The following CNTNAP2 variants were observed in gnomAD, a reference collection of about 807,000 sequenced individuals.
CNTNAP2 encodes contactin associated protein 2, also known as contactin-associated protein-like 2.
Under a neutral mutation model 155.2 loss-of-function variants are expected in CNTNAP2, and 98 were observed. That is an observed-to-expected ratio of 0.63 (90% CI 0.54 to 0.75). The LOEUF is 0.75. CNTNAP2 is among the 30% of genes least tolerant of loss of function. CNTNAP2 has a pLI of 0.00. For missense variants in CNTNAP2, 1,727 were observed against 1,688.1 expected, an observed-to-expected ratio of 1.02 and a Z score of -0.40; for synonymous variants, 651 against 631.2, an observed-to-expected ratio of 1.03 and a Z score of -0.47.
At chr7:147,887,738 G>C (rs540205865) in intron 13 of CNTNAP2, among the ~76,000 whole-genome samples, 1 of 152,198 alleles carries the variant, frequency 6.6e-6, no homozygotes, top group East Asian at 1.9e-4. Flanking sequence ...ACAAAATCCA[G>C]GGGGTTAGAC....
At chr7:146,802,294 A>C (rs115013872) in intron 2 of CNTNAP2, among the ~76,000 whole-genome samples, 1,740 of 152,298 alleles carry the variant, frequency 0.011, 30 homozygotes, top group African/African-American at 0.038. Context: ...TGTAGAAATG[A>C]GGTCTCAGTT....
chr7:148,322,436 T>C (rs1797809687), intron 21 of CNTNAP2, among the ~76,000 whole-genome samples: 1 of 152,204 alleles, frequency 6.6e-6, no homozygotes, highest in Non-Finnish European at 1.5e-5. Flanking sequence ...TGTTATAAAA[T>C]AGAAATATAC....
intron 1 of CNTNAP2, among the ~76,000 whole-genome samples, chr7:146,545,750 C>A (rs1020040194): frequency 1.3e-5 from 2 of 151,816 alleles, no homozygotes; most frequent in African/African-American, 2.4e-5. Flanking sequence ...TTAGTTCAGC[C>A]ATTGTGGAAA....
intron 12 of CNTNAP2, among the ~76,000 whole-genome samples, chr7:147,623,159 C>T (rs558535061): frequency 2.0e-5 from 3 of 152,022 alleles, no homozygotes; most frequent in South Asian, 2.1e-4. Flanking sequence ...GAACTGAAGG[C>T]GGAAATCTGA....
intron 1 of CNTNAP2, among the ~76,000 whole-genome samples, chr7:146,548,877 C>T (rs374789988): frequency 1.8e-4 from 24 of 133,488 alleles, no homozygotes; most frequent in Admixed American, 4.8e-4. Context: ...TCCCAGTTGT[C>T]TATCTTTGGT....
chr7:147,111,688 T>A (rs1800883356), intron 5 of CNTNAP2, among the ~76,000 whole-genome samples: 1 of 152,098 alleles, frequency 6.6e-6, no homozygotes, highest in Admixed American at 6.6e-5. Context: ...AGGTGTATGG[T>A]CTTATTTCTG....
rs9640488 is a variant in CNTNAP2 at position 146,985,343 on chromosome 7, A to G, written c.403-58564A>G. ...TTTTTTTTTTTTTTTTTTTTGAGAC[A>G]GTCTTGCTCTGTCTCCCAGGCTGAA... On this transcript the variant is annotated intron_variant, in intron 3 of 23. Transcript: ENST00000361727. 3.0e-3 allele frequency among the ~76,000 whole-genome samples: 414 copies of G among 139,844 alleles called. 3 individuals are homozygous for G. Among genetic ancestry groups the G allele is most frequent in the Non-Finnish European group, 4.9e-3 (325 of 65,760 alleles). 91.7% of individuals were successfully genotyped at this position (139,844 alleles called of 152,430 possible). A position where few individuals can be genotyped will look rare whatever the true frequency, so the allele number is the denominator to read the frequency against.
intron 11 of CNTNAP2, among the ~76,000 whole-genome samples, chr7:147,489,754 T>C (rs574757030): frequency 6.6e-6 from 1 of 152,276 alleles, no homozygotes; most frequent in East Asian, 1.9e-4. Flanking sequence ...TAGCTGGGAC[T>C]ACAGGCACGT....
intron 2 of CNTNAP2, among the ~76,000 whole-genome samples, chr7:146,837,571 T>C (rs78480001): frequency 0.025 from 3,762 of 152,264 alleles, 101 homozygotes; most frequent in African/African-American, 0.072. Flanking sequence ...TTTTTCTCTC[T>C]GGTTCTAAGA....
At chr7:147,505,126 C>T (rs1280090375) in intron 11 of CNTNAP2, among the ~76,000 whole-genome samples, 1 of 152,098 alleles carries the variant, frequency 6.6e-6, no homozygotes, top group Non-Finnish European at 1.5e-5. Context: ...TCACTCCGGG[C>T]CCCTGGCTCA....
At chr7:146,690,379 G>C (rs1194555024) in intron 1 of CNTNAP2, among the ~76,000 whole-genome samples, 1 of 152,132 alleles carries the variant, frequency 6.6e-6, no homozygotes, top group Non-Finnish European at 1.5e-5. Context: ...AGTTTATGCA[G>C]AGACAGGGAC....
chr7:148,040,632 A>ACACATG (rs1246175588), intron 15 of CNTNAP2, among the ~76,000 whole-genome samples: 1 of 152,360 alleles, frequency 6.6e-6, no homozygotes, highest in Non-Finnish European at 1.5e-5. Flanking sequence ...TGTGCTCTGC[A>ACACATG]CACATGCACA....
intron 3 of CNTNAP2, among the ~76,000 whole-genome samples, chr7:147,028,904 A>T (rs1288316809): frequency 6.6e-6 from 1 of 152,054 alleles, no homozygotes; most frequent in Non-Finnish European, 1.5e-5. Context: ...AATCCAATGA[A>T]GATAAAGGAG....
At chr7:147,242,197 C>T (rs1321576665) in intron 8 of CNTNAP2, among the ~76,000 whole-genome samples, 1 of 152,186 alleles carries the variant, frequency 6.6e-6, no homozygotes, top group Non-Finnish European at 1.5e-5. Context: ...TTTCCCCATT[C>T]ATTCTTCTTT....
Position 147,108,137 on chromosome 7 carries a change from T to G in CNTNAP2, c.551-10T>G, listed in dbSNP as rs1010423307. 15 of 1,491,864 alleles carry G rather than the reference T, an allele frequency of 1.0e-5. No individual in the cohort carries two copies. The highest frequency in any genetic ancestry group is 1.7e-4 in the Middle Eastern group (1 of 5,838). The allele number at this position is 1,491,864 out of a possible 1,614,324, so 92.4% of individuals were successfully genotyped here. ...GCTGAACTAATATGTTATTTTTTTTTTTGTTTTAGGGGCTGATGTTATCAA... is the reference window on the plus strand; with the variant it reads ...GCTGAACTAATATGTTATTTTTTTTGTTGTTTTAGGGGCTGATGTTATCAA... On this transcript the variant is annotated splice_polypyrimidine_tract_variant and intron_variant, in intron 4 of 23. Transcript: ENST00000361727.
At chr7:146,638,139 G>A (rs145287613) in intron 1 of CNTNAP2, among the ~76,000 whole-genome samples, 58 of 152,230 alleles carry the variant, frequency 3.8e-4, no homozygotes, top group African/African-American at 1.0e-3. Flanking sequence ...GTCTGTAAGC[G>A]TATAGCCAGG....
In CNTNAP2 at chr7:148,237,824, G is replaced by C. The variant is rs536528076; in HGVS notation, c.3381+8045G>C. Among the ~76,000 whole-genome samples, 12 of 152,278 alleles carry C rather than the reference G, an allele frequency of 7.9e-5. No individual in the cohort carries two copies. In the South Asian group the frequency reaches 2.5e-3, roughly 32 times the overall value. On this transcript the variant is annotated intron_variant, in intron 20 of 23. Transcript: ENST00000361727. ...AACATTGGTGGCCGGGGGAGCCCTA[G>C]TTCACCACTTTCTATATGTGGAAAA...
intron 16 of CNTNAP2, among the ~76,000 whole-genome samples, chr7:148,139,675 G>A (rs1312802665): frequency 3.9e-5 from 6 of 152,032 alleles, no homozygotes; most frequent in African/African-American, 1.5e-4. Flanking sequence ...GAGTAGCTGG[G>A]ATTACAGGCA....
At chr7:146,928,978 C>A (rs1296602462) in intron 3 of CNTNAP2, among the ~76,000 whole-genome samples, 15 of 152,340 alleles carry the variant, frequency 9.8e-5, no homozygotes, top group Non-Finnish European at 1.6e-4. Flanking sequence ...GGAGGCCTGC[C>A]TGCCTCTGTA....
Sources: gnomAD v4.1 joint callset for allele counts (sites outside exome capture counted in the v4.1 genomes callset) on GRCh38, gnomAD v4.1.1 for gene constraint, MANE v1.5 for transcripts, NCBI Gene and HGNC (gene_info 2026-07-23, HGNC 2026-07-21) for gene names.